The following KIF13B variants were observed in gnomAD, a reference collection of about 807,000 sequenced individuals.
KIF13B encodes kinesin family member 13B.
A neutral mutation model predicts 222.0 loss-of-function variants in KIF13B; 127 were observed. The ratio of observed to expected loss-of-function variants is 0.57; its 90% CI spans 0.50 to 0.66. KIF13B has a LOEUF of 0.66. Among genes scored for constraint, KIF13B ranks in the 30% least tolerant of loss-of-function variants. The pLI, the probability that KIF13B is intolerant of heterozygous loss-of-function variation, is 0.00. For missense variants in KIF13B, 2,173 were observed against 2,379.0 expected, an observed-to-expected ratio of 0.91 and a Z score of 1.80; for synonymous variants, 976 against 919.0, an observed-to-expected ratio of 1.06 and a Z score of -1.12.
intron 24 of KIF13B, among the ~76,000 whole-genome samples, chr8:29,129,768 C>T (rs1212844822): frequency 6.6e-6 from 1 of 152,216 alleles, no homozygotes; most frequent in African/African-American, 2.4e-5. Context: ...ATATTCTTCT[C>T]TGCTCTGTGG....
At chr8:29,202,661 C>T (rs576315726) in intron 2 of KIF13B, among the ~76,000 whole-genome samples, 1 of 152,308 alleles carries the variant, frequency 6.6e-6, no homozygotes, top group African/African-American at 2.4e-5. Context: ...GTTCCCCTAG[C>T]AGTGGAATGT....
chr8:29,142,147 A>C lies in KIF13B; in HGVS notation c.2334+10T>G. ...TTACCAATTAAGTGATTTTCTCTTA[A>C]ATAACTTACTGGGTTATCTTCTTCA... On this transcript the variant is annotated intron_variant, in intron 19 of 39. Transcript: ENST00000524189. The C allele has an allele frequency of 6.2e-7, 1 of 1,609,828 alleles. No homozygotes were observed. Among genetic ancestry groups the C allele is most frequent in the South Asian group, 1.1e-5 (1 of 90,838 alleles).
chr8:29,178,681 G>GT (rs1369643713), intron 8 of KIF13B, among the ~76,000 whole-genome samples: 6 of 146,202 alleles, frequency 4.1e-5, no homozygotes, highest in Admixed American at 2.0e-4. Context: ...TCTTCAGTAT[G>GT]TTTTTTGTTT....
intron 17 of KIF13B, 69 bp downstream of exon 17, chr8:29,147,323 C>A: frequency 1.8e-6 from 2 of 1,140,236 alleles, no homozygotes; most frequent in South Asian, 2.8e-5. Context: ...CCATTTGACA[C>A]TTTCCCTAGG....
intron 1 of KIF13B, among the ~76,000 whole-genome samples, chr8:29,258,401 G>A (rs1816563409): frequency 6.6e-6 from 1 of 152,166 alleles, no homozygotes; most frequent in South Asian, 2.1e-4. Flanking sequence ...TTGGGATCTA[G>A]CAATCTTTCC....
At chr8:29,103,213 G>A (rs1156290391) in intron 35 of KIF13B, among the ~76,000 whole-genome samples, 2 of 148,880 alleles carry the variant, frequency 1.3e-5, no homozygotes, top group Non-Finnish European at 3.0e-5. Context: ...CTGCAGTCCG[G>A]CCTGGGCGAA....
At chr8:29,122,700 G>A in intron 28 of KIF13B, 54 bp from the exon 29 acceptor site, 1 of 1,416,720 alleles carries the variant, frequency 7.1e-7, no homozygotes, top group Non-Finnish European at 9.8e-7. Context: ...TCAGTGGCAT[G>A]CACGTAGGAA....
intron 21 of KIF13B, among the ~76,000 whole-genome samples, chr8:29,137,849 A>G (rs1045847271): frequency 1.3e-5 from 2 of 152,188 alleles, no homozygotes; most frequent in African/African-American, 4.8e-5. Flanking sequence ...CCAGTCCAGG[A>G]AGGTTAGAGT....
chr8:29,109,214 C>T (rs1460084529), intron 34 of KIF13B, among the ~76,000 whole-genome samples: 1 of 152,212 alleles, frequency 6.6e-6, no homozygotes, highest in African/African-American at 2.4e-5. Context: ...AGATAAGAAA[C>T]ACCTGAAAGG....
Position 29,147,380 on chromosome 8 carries a change from T to C in KIF13B, c.2024+12A>G. The C allele has an allele frequency of 1.3e-6, 2 of 1,587,904 alleles. No homozygotes were observed. Among genetic ancestry groups the C allele is most frequent in the Non-Finnish European group, 1.7e-6 (2 of 1,167,208 alleles). ...GAGCTATAAAGTTAACAGGCCCCTC[T>C]GTGCCGCCTACCTCTCCTCAGCCCA... On this transcript the variant is annotated intron_variant, in intron 17 of 39. Transcript: ENST00000524189.
intron 37 of KIF13B, among the ~76,000 whole-genome samples, chr8:29,079,571 T>C (rs1807712439): frequency 6.6e-6 from 1 of 152,104 alleles, no homozygotes; most frequent in Non-Finnish European, 1.5e-5. Flanking sequence ...TACAGTTACA[T>C]AGGAATGTGG....
At chr8:29,156,565 A>T (rs1193533379) in intron 13 of KIF13B, among the ~76,000 whole-genome samples, 1 of 151,640 alleles carries the variant, frequency 6.6e-6, no homozygotes, top group East Asian at 1.9e-4. Context: ...CCCAGGCTGG[A>T]GTGCAGAGAC....
At chr8:29,140,321 G>A in intron 20 of KIF13B, 130 bp from the exon 21 acceptor site, 1 of 1,405,584 alleles carries the variant, frequency 7.1e-7, no homozygotes, top group Non-Finnish European at 9.6e-7. Flanking sequence ...CCTAGTCTCT[G>A]ACAGTTACTC....
At chr8:29,073,438 T>C (rs1807408924) in intron 38 of KIF13B, among the ~76,000 whole-genome samples, 1 of 152,088 alleles carries the variant, frequency 6.6e-6, no homozygotes, top group Admixed American at 6.5e-5. Context: ...CCAAATCCTA[T>C]TGTTTCTGGG....
rs186982297 is a variant in KIF13B, at chr8:29,107,706, G to A, written c.4215+433C>T. On this transcript the variant is annotated intron_variant, in intron 35 of 39. Transcript: ENST00000524189. Reference sequence around the variant, plus strand: ...CTCCCGAGTAGCTGGGACTACAGGTGCCCGCCACCTCGCCTGACTAGTTTT... The same window carrying A: ...CTCCCGAGTAGCTGGGACTACAGGTACCCGCCACCTCGCCTGACTAGTTTT... Among the ~76,000 whole-genome samples the A allele has an allele frequency of 2.9e-3, 440 of 151,860 alleles. 2 individuals are homozygous for A. The highest frequency in any genetic ancestry group is 0.01 in the African/African-American group (418 of 41,422).
chr8:29,160,546 A>AT (rs1209795915), intron 13 of KIF13B, among the ~76,000 whole-genome samples, 187 bp downstream of exon 13: 1 of 152,192 alleles, frequency 6.6e-6, no homozygotes, highest in Non-Finnish European at 1.5e-5. Flanking sequence ...TCAGAGTATC[A>AT]TTTTTTTATA....
intron 37 of KIF13B, 126 bp downstream of exon 37, chr8:29,092,619 T>C: frequency 1.0e-6 from 1 of 954,014 alleles, no homozygotes; most frequent in Non-Finnish European, 1.5e-6. Context: ...CCGACAGCTG[T>C]TTCTGGGTTT....
At position 29,140,096 on chromosome 8, in the gene KIF13B, C is replaced by A; in HGVS notation, c.2580G>T (p.Glu860Asp). 6.2e-7 allele frequency: 1 copy of A among 1,606,156 alleles called. No individual in the cohort carries two copies. The highest frequency in any genetic ancestry group is 8.5e-7 in the Non-Finnish European group (1 of 1,176,360). The change falls in exon 21 of 40, where the codon GAG (glutamate) becomes GAT (aspartate). Residue 860 changes from glutamate (E) to aspartate (D), a missense_variant. Glu to Asp is a conservative substitution (Grantham distance 45). Transcript: ENST00000524189. ...CCAGTTTGTTCTCCTGGGTCTCCTT[C>A]TCAAAGGAGACCTCTGCCACCTCAT... ...GGDEVAEVSF[E>D]KETQENKLVC...
At chr8:29,127,094 GA>G in intron 25 of KIF13B, 27 bp downstream of exon 25, 1 of 1,603,666 alleles carries the variant, frequency 6.2e-7, no homozygotes, top group South Asian at 1.1e-5. Flanking sequence ...TGTCTTTCAA[GA>G]AGAACATAAC....
Sources: allele counts gnomAD v4.1 joint callset (sites outside exome capture counted in the v4.1 genomes callset), GRCh38; gene constraint gnomAD v4.1.1; transcripts MANE v1.5; gene names NCBI Gene and HGNC (gene_info 2026-07-23, HGNC 2026-07-21).